The following MAF variants were observed in gnomAD, a reference collection of about 807,000 sequenced individuals.
The protein encoded by MAF is MAF bZIP transcription factor.
A neutral mutation model predicts 22.0 loss-of-function variants in MAF; 10 were observed. That is an observed-to-expected ratio of 0.45 (90% CI 0.28 to 0.77). The LOEUF (loss-of-function observed/expected upper bound fraction) is 0.77. Ranked by LOEUF, MAF falls within the 30% of genes least tolerant of loss-of-function variation. The pLI is 0.12. For synonymous variants in MAF, 337 were observed against 255.8 expected (o/e 1.32, Z -3.03); for missense variants, 544 against 548.4 (o/e 0.99, Z 0.08).
chr16:79,496,998 C>G, the MAF span, among the ~76,000 whole-genome samples: 7,651 of 152,098 alleles, frequency 0.05, 425 homozygotes, highest in African/African-American at 0.13. Flanking sequence ...GTGAGTGTAA[C>G]AATTTATATG....
At chr16:79,316,537 G>T in the MAF span, among the ~76,000 whole-genome samples, 1 of 152,120 alleles carries the variant, frequency 6.6e-6, no homozygotes, top group African/African-American at 2.4e-5. Context: ...TCTTTGAATT[G>T]CTAAAGCATC....
At chr16:79,542,923 A>C in the MAF span, among the ~76,000 whole-genome samples, 1 of 152,200 alleles carries the variant, frequency 6.6e-6, no homozygotes, top group East Asian at 1.9e-4. Context: ...CTGACCTATA[A>C]TAGTAAAGAA....
At chr16:79,528,251 G>A in the MAF span, among the ~76,000 whole-genome samples, 347 of 152,264 alleles carry the variant, frequency 2.3e-3, 1 homozygote, top group African/African-American at 7.7e-3. Flanking sequence ...TAACTCCAAG[G>A]TGCCTGCAGC....
the MAF span, chr16:79,204,801 G>A: frequency 6.6e-6 from 1 of 152,164 alleles, no homozygotes; most frequent in African/African-American, 2.4e-5. Context: ...TAAAACTTAA[G>A]TTTTAGGAAA....
At chr16:79,561,374 G>C in the MAF span, among the ~76,000 whole-genome samples, 1 of 150,278 alleles carries the variant, frequency 6.7e-6, no homozygotes, top group Non-Finnish European at 1.5e-5. Context: ...GTGCAGGTTA[G>C]TTACATATGT....
the MAF span, among the ~76,000 whole-genome samples, chr16:79,324,831 T>C: frequency 6.6e-6 from 1 of 152,204 alleles, no homozygotes; most frequent in African/African-American, 2.4e-5. Flanking sequence ...ATCTATTCTC[T>C]TACAGTTCTG....
At chr16:79,319,247 C>T in the MAF span, among the ~76,000 whole-genome samples, 1 of 152,074 alleles carries the variant, frequency 6.6e-6, no homozygotes, top group Non-Finnish European at 1.5e-5. Flanking sequence ...AATTACTAAG[C>T]CCTCGAGAAA....
At chr16:79,326,068 C>T in the MAF span, among the ~76,000 whole-genome samples, 3 of 152,196 alleles carry the variant, frequency 2.0e-5, no homozygotes, top group Non-Finnish European at 4.4e-5. Flanking sequence ...CTTTGGCAAC[C>T]ACTTTACCAA....
At chr16:79,405,033 G>T in the MAF span, among the ~76,000 whole-genome samples, 2 of 152,180 alleles carry the variant, frequency 1.3e-5, no homozygotes, top group Non-Finnish European at 2.9e-5. Flanking sequence ...AGATTAGATG[G>T]TGAGTCCCAC....
rs1913928335 is a variant in MAF at position 79,600,104 on chromosome 16, GCCCT to G, written c.-206_-203del. On this transcript the variant is annotated 5_prime_UTR_variant, in exon 1 of 2. Coordinates refer to ENST00000326043, the MANE Select transcript of MAF (RefSeq NM_005360.5). ...CGCCCTGCCCGCGCCCCCCGCGCCC[GCCCT>G]CCCTCCCCCCTGCTCACGCCAATGT... 1.9e-6 allele frequency: 1 copy of G among 520,940 alleles called. No individual in the cohort carries two copies. 32.3% of individuals were successfully genotyped at this position (520,940 alleles called of 1,614,324 possible).
the MAF span, among the ~76,000 whole-genome samples, chr16:79,219,274 A>T: frequency 6.4e-3 from 973 of 152,300 alleles, 14 homozygotes; most frequent in African/African-American, 0.022. Context: ...ACAATGTCTC[A>T]TCTGATGCTG....
the MAF span, among the ~76,000 whole-genome samples, chr16:79,369,349 G>C: frequency 2.6e-5 from 4 of 152,256 alleles, no homozygotes; most frequent in East Asian, 3.9e-4. Flanking sequence ...GTGATTCTTG[G>C]GAGTCAGCTT....
At chr16:79,512,278 T>A in the MAF span, among the ~76,000 whole-genome samples, 1 of 152,182 alleles carries the variant, frequency 6.6e-6, no homozygotes, top group South Asian at 2.1e-4. Context: ...AGAGCCCCTT[T>A]CAATTTCTCA....
the MAF span, among the ~76,000 whole-genome samples, chr16:79,329,116 C>T: frequency 4.0e-5 from 6 of 151,474 alleles, no homozygotes; most frequent in South Asian, 1.3e-3. Context: ...TTCCCACATT[C>T]TGGTTCTTGT....
chr16:79,311,312 G>A, the MAF span, among the ~76,000 whole-genome samples: 1 of 152,012 alleles, frequency 6.6e-6, no homozygotes, highest in African/African-American at 2.4e-5. Context: ...TGGCTCCAGA[G>A]AGTGTCACGC....
the MAF span, among the ~76,000 whole-genome samples, chr16:79,279,748 T>C: frequency 1.3e-5 from 2 of 152,232 alleles, no homozygotes; most frequent in African/African-American, 4.8e-5. Flanking sequence ...CTGGGATTCA[T>C]TCGAGCAGAG....
the MAF span, among the ~76,000 whole-genome samples, chr16:79,271,201 C>A: frequency 2.7e-3 from 406 of 152,124 alleles, no homozygotes; most frequent in African/African-American, 9.1e-3. Context: ...TAGGCGTGAG[C>A]CACCGCACCC....
chr16:79,291,603 GACTCT>G, the MAF span, among the ~76,000 whole-genome samples: 1 of 151,258 alleles, frequency 6.6e-6, no homozygotes, highest in East Asian at 1.9e-4. Context: ...CTGTTTTCCA[GACTCT>G]ACTCTGACCT....
At chr16:79,311,158 C>T in the MAF span, among the ~76,000 whole-genome samples, 2 of 152,062 alleles carry the variant, frequency 1.3e-5, no homozygotes, top group Non-Finnish European at 2.9e-5. Context: ...TCTCTCCCTC[C>T]CGCAGCCCTC....
Sources: allele counts gnomAD v4.1 joint callset (sites outside exome capture counted in the v4.1 genomes callset), GRCh38; gene constraint gnomAD v4.1.1; transcripts MANE v1.5; gene names NCBI Gene and HGNC (gene_info 2026-07-23, HGNC 2026-07-21).